PCYT1A: variants seen among roughly 807,000 people sequenced by gnomAD.
PCYT1A encodes phosphate cytidylyltransferase 1A, choline.
A neutral mutation model predicts 43.7 loss-of-function variants in PCYT1A; 25 were observed. The observed-to-expected ratio is 0.57, with a 90% CI of 0.42 to 0.80. The LOEUF is 0.80. Ranked by LOEUF, PCYT1A falls within the 30% of genes least tolerant of loss-of-function variation. The pLI is 0.00. For synonymous variants in PCYT1A, 172 were observed against 170.7 expected, an observed-to-expected ratio of 1.01 and a Z score of -0.06; for missense variants, 421 against 474.2, an observed-to-expected ratio of 0.89 and a Z score of 1.04.
intron 5 of PCYT1A, among the ~76,000 whole-genome samples, chr3:196,246,297 A>G (rs913095970): frequency 2.0e-5 from 3 of 152,204 alleles, no homozygotes. Context: ...GCCCCTGTAG[A>G]GAACTGACAA....
Position 196,242,371 on chromosome 3 carries a change from T to C in PCYT1A, c.565+191A>G, listed in dbSNP as rs150617357. The C allele has an allele frequency of 1.0e-4, 71 of 704,408 alleles. No homozygotes were observed. Among genetic ancestry groups the C allele is most frequent in the Non-Finnish European group, 1.3e-4 (51 of 380,514 alleles). The allele number at this position is 704,408 out of a possible 1,614,324, so 43.6% of individuals were successfully genotyped here. ...CAAAGTAGATGTTTAGACCAAGAATTGATGGATGTCATGAACTGACGACAA... is the reference window on the plus strand; with the variant it reads ...CAAAGTAGATGTTTAGACCAAGAATCGATGGATGTCATGAACTGACGACAA... On this transcript the variant is annotated intron_variant, in intron 6 of 8. Transcript: ENST00000431016. The surrounding 1 kb of genome is among the most constrained non-coding windows in gnomAD (Gnocchi z 4.2).
chr3:196,255,219 C>T (rs1316964083), intron 3 of PCYT1A, among the ~76,000 whole-genome samples: 1 of 152,150 alleles, frequency 6.6e-6, no homozygotes. Flanking sequence ...ATTAAGCTGG[C>T]AAATTTATAG....
intron 3 of PCYT1A, among the ~76,000 whole-genome samples, chr3:196,248,850 G>A (rs529409799): frequency 5.3e-5 from 8 of 151,820 alleles, no homozygotes; most frequent in Admixed American, 1.3e-4. Flanking sequence ...TGCAACTCCC[G>A]GATTCAAGCG....
intron 7 of PCYT1A, among the ~76,000 whole-genome samples, chr3:196,241,276 G>T (rs1406263140): frequency 4.0e-5 from 6 of 151,790 alleles, no homozygotes; most frequent in African/African-American, 1.5e-4. Flanking sequence ...CAGCCTCGGT[G>T]ACAGAGCGAG....
intron 2 of PCYT1A, among the ~76,000 whole-genome samples, chr3:196,267,076 G>A (rs1189396657): frequency 6.6e-6 from 1 of 151,956 alleles, no homozygotes. Flanking sequence ...CTACCCGGGA[G>A]GGTGAGACAG....
Position 196,247,449 on chromosome 3 carries a change from G to A in PCYT1A, c.404C>T (p.Ala135Val), listed in dbSNP as rs759570486. The A allele has an allele frequency of 5.6e-6, 9 of 1,614,076 alleles. No homozygotes were observed. The Admixed American group carries it at 8.3e-5, about 15-fold the overall frequency. The change falls in exon 5 of 9, where the codon GCA (alanine) becomes GTA (valine). Residue 135 changes from alanine (A) to valine (V), a missense_variant. This residue lies in a region of PCYT1A where 174 missense variants were observed against 270.7 expected (regional missense o/e 0.64). Coordinates refer to ENST00000431016, the MANE Select transcript of PCYT1A (RefSeq NM_001312673.2). This position sits in a 1 kb window ranked among gnomAD's most constrained non-coding sequence, Gnocchi z 4.8. Reference protein sequence around the residue: ...TVMNENERYDAVQHCRYVDEV... With the variant: ...TVMNENERYDVVQHCRYVDEV... The stretch of plus-strand genomic sequence containing the variant: ...ATCCACGTAGCGGCAGTGCTGGACT[G>A]CGTCATAGCGCTCATTCTCGTTCAT...
At chr3:196,263,073 G>A (rs1232790116) in intron 2 of PCYT1A, among the ~76,000 whole-genome samples, 1 of 152,068 alleles carries the variant, frequency 6.6e-6, no homozygotes, top group East Asian at 1.9e-4. Context: ...GATTACAGGC[G>A]TGAGCCACCG....
chr3:196,257,976 T>C, intron 2 of PCYT1A, 89 bp from the exon 3 acceptor site: 202 of 677,086 alleles, frequency 3.0e-4, no homozygotes, highest in East Asian at 4.3e-4. Flanking sequence ...AGAAAGGAGA[T>C]TGATCTCTCT....
chr3:196,266,204 A>T (rs1015594031), intron 2 of PCYT1A, among the ~76,000 whole-genome samples: 1 of 151,840 alleles, frequency 6.6e-6, no homozygotes, highest in Non-Finnish European at 1.5e-5. Context: ...CAGGTGCAGT[A>T]GCTCACGCCT....
chr3:196,270,969 G>A (rs1233706133), intron 1 of PCYT1A, among the ~76,000 whole-genome samples: 1 of 152,180 alleles, frequency 6.6e-6, no homozygotes, highest in Non-Finnish European at 1.5e-5. Flanking sequence ...AGAGAAAAGA[G>A]CCTTTTGTAA....
rs1252153219 is a variant in PCYT1A, at chr3:196,234,489, A to T, written c.*4199T>A. 1 of 152,216 alleles carries T rather than the reference A, an allele frequency of 6.6e-6. No individual in the cohort carries two copies. Among genetic ancestry groups the T allele is most frequent in the Non-Finnish European group, 1.5e-5 (1 of 68,054 alleles). 9.4% of individuals were successfully genotyped at this position (152,216 alleles called of 1,614,324 possible). A position where few individuals can be genotyped will look rare whatever the true frequency, so the allele number is the denominator to read the frequency against. On this transcript the variant is annotated 3_prime_UTR_variant, in exon 9 of 9. Coordinates refer to ENST00000431016, the MANE Select transcript of PCYT1A (RefSeq NM_001312673.2). ...CCACTTGAGGAAGACTTCCCCACGG[A>T]CTCACACTGGTGATGGGGCGAACGT...
intron 1 of PCYT1A, among the ~76,000 whole-genome samples, chr3:196,278,286 A>G (rs1051855385): frequency 1.1e-4 from 16 of 152,224 alleles, no homozygotes; most frequent in Admixed American, 8.5e-4. Flanking sequence ...ATGAGGAACA[A>G]TATTTCTTGG....
intron 2 of PCYT1A, chr3:196,267,335 G>A (rs1190425955): frequency 4.4e-6 from 2 of 456,158 alleles, no homozygotes; most frequent in Non-Finnish European, 8.8e-6. Flanking sequence ...GAATCAGAAA[G>A]CAGATTAGTG....
At chr3:196,284,443 G>C (rs1415821649) in intron 1 of PCYT1A, among the ~76,000 whole-genome samples, 1 of 152,104 alleles carries the variant, frequency 6.6e-6, no homozygotes, top group African/African-American at 2.4e-5. Context: ...TTATTAAAGG[G>C]CTGTTTAATC....
intron 2 of PCYT1A, among the ~76,000 whole-genome samples, chr3:196,261,910 G>T (rs1725121203): frequency 6.6e-6 from 1 of 152,128 alleles, no homozygotes; most frequent in African/African-American, 2.4e-5. Context: ...TCCTGGCTGG[G>T]GTTTAGGCTG....
intron 3 of PCYT1A, among the ~76,000 whole-genome samples, chr3:196,250,280 G>A (rs930076415): frequency 2.7e-5 from 4 of 150,328 alleles, no homozygotes; most frequent in Admixed American, 6.6e-5. Flanking sequence ...ACACCATGCC[G>A]AGGCGAGGAC....
rs1429130961 is a variant in PCYT1A at position 196,237,897 on chromosome 3, A to G, written c.*791T>C. On this transcript the variant is annotated 3_prime_UTR_variant, in exon 9 of 9. Coordinates refer to ENST00000431016, the MANE Select transcript of PCYT1A (RefSeq NM_001312673.2). ...AAAGTGTTCCTTCCTTCGAAGGTAG[A>G]TGGCACGAAAGAGACTGACAAAAGC... 1 of 152,220 alleles carries G rather than the reference A, an allele frequency of 6.6e-6. No individual in the cohort carries two copies. The highest frequency in any genetic ancestry group is 1.5e-5 in the Non-Finnish European group (1 of 68,044). 9.4% of individuals were successfully genotyped at this position (152,220 alleles called of 1,614,324 possible). A position where few individuals can be genotyped will look rare whatever the true frequency, so the allele number is the denominator to read the frequency against.
intron 1 of PCYT1A, among the ~76,000 whole-genome samples, chr3:196,276,761 A>G (rs1270798258): frequency 6.6e-6 from 1 of 152,134 alleles, no homozygotes; most frequent in Non-Finnish European, 1.5e-5. Flanking sequence ...TTTGCTGAGG[A>G]ATAGGATATT....
chr3:196,243,471 G>T (rs537724455), intron 5 of PCYT1A, among the ~76,000 whole-genome samples: 2 of 152,162 alleles, frequency 1.3e-5, no homozygotes, highest in South Asian at 4.2e-4. Flanking sequence ...AATACAAACC[G>T]AAGGCCATAA....
Sources: allele counts gnomAD v4.1 joint callset (sites outside exome capture counted in the v4.1 genomes callset), GRCh38; gene constraint gnomAD v4.1.1; regional missense constraint gnomAD v4.1.1; non-coding constraint Gnocchi (gnomAD v3.1); transcripts MANE v1.5; gene names NCBI Gene and HGNC (gene_info 2026-07-23, HGNC 2026-07-21).